Variants in SLC15A1 observed in about 807,000 individuals in gnomAD.
SLC15A1 encodes solute carrier family 15 member 1.
In SLC15A1, 83 loss-of-function variants were observed where a neutral mutation model predicts 92.9. That is an observed-to-expected ratio of 0.89 (90% CI 0.75 to 1.07). SLC15A1 has a LOEUF of 1.07. SLC15A1 is among the 50% of genes least tolerant of loss of function. The pLI is 0.00. For synonymous variants in SLC15A1, 322 were observed against 318.2 expected (o/e 1.01, Z -0.13); for missense variants, 857 against 880.1 (o/e 0.97, Z 0.33).
chr13:98,684,928 C>CA lies in SLC15A1; in HGVS notation c.1936-14dup. ...TGTACTCGGCCCACTTTGAAGAAAT[C>CA]AGAGTTGGAGCAGGAAAAAGAACAA... is the stretch of plus-strand genomic sequence containing the variant. On this transcript the variant is annotated splice_polypyrimidine_tract_variant and intron_variant, in intron 22 of 22. Transcript: ENST00000376503. The CA allele has an allele frequency of 6.2e-7, 1 of 1,604,914 alleles. No individual in the cohort carries two copies.
intron 1 of SLC15A1, among the ~76,000 whole-genome samples, chr13:98,730,406 G>C (rs1388895254): frequency 6.6e-6 from 1 of 152,136 alleles, no homozygotes; most frequent in East Asian, 1.9e-4. Flanking sequence ...TAGAGTTCTG[G>C]ACAGAGATTC....
intron 4 of SLC15A1, among the ~76,000 whole-genome samples, chr13:98,725,710 C>T (rs900939004): frequency 6.6e-6 from 1 of 152,102 alleles, no homozygotes; most frequent in African/African-American, 2.4e-5. Flanking sequence ...AAATGCTCTC[C>T]TAAGGGTTTG....
In SLC15A1 at chr13:98,706,256, G is replaced by A. The variant is rs1274414459; in HGVS notation, c.1150-3C>T. The A allele has an allele frequency of 6.2e-7, 1 of 1,610,990 alleles. No homozygotes were observed. The highest frequency in any genetic ancestry group is 1.7e-5 in the Admixed American group (1 of 59,364). On this transcript the variant is annotated splice_region_variant and splice_polypyrimidine_tract_variant and intron_variant, in intron 15 of 22. Transcript: ENST00000376503. ...TTGGGGAAGACTGGAAGAGTTTTCTGAGCAAAATAAAAGAAAATTGGCAGT... is the reference window on the plus strand; with the variant it reads ...TTGGGGAAGACTGGAAGAGTTTTCTAAGCAAAATAAAAGAAAATTGGCAGT...
In SLC15A1 at chr13:98,692,748, T is replaced by C. The variant is rs142082230; in HGVS notation, c.1467-4171A>G. On this transcript the variant is annotated intron_variant, in intron 18 of 22. Transcript: ENST00000376503. The stretch of plus-strand genomic sequence containing the variant: ...GAATAAGGGTACTAATTTTTATTTA[T>C]TTGTTTGTTTGTTTGAAGACGGAGT... Among the ~76,000 whole-genome samples, 1,313 of 152,240 alleles carry C rather than the reference T, an allele frequency of 8.6e-3. 28 individuals carry two copies. The highest frequency in any genetic ancestry group is 0.03 in the African/African-American group (1,257 of 41,538).
chr13:98,719,578 T>C (rs992815952), intron 7 of SLC15A1, among the ~76,000 whole-genome samples: 6 of 152,132 alleles, frequency 3.9e-5, no homozygotes, highest in African/African-American at 1.4e-4. Context: ...GGCCCCCTCT[T>C]GGTTCTGTGG....
At chr13:98,749,923 A>T (rs1303899727) in intron 1 of SLC15A1, among the ~76,000 whole-genome samples, 1 of 152,208 alleles carries the variant, frequency 6.6e-6, no homozygotes, top group East Asian at 1.9e-4. Flanking sequence ...TTGATTGTGT[A>T]CGGCTGCTCT....
intron 1 of SLC15A1, among the ~76,000 whole-genome samples, chr13:98,734,393 C>G (rs2088373897): frequency 6.6e-6 from 1 of 152,174 alleles, no homozygotes. Flanking sequence ...TCTGCATTTC[C>G]AACTGAGATG....
At position 98,708,681 on chromosome 13, in the gene SLC15A1, C is replaced by T. The variant is rs149028587; in HGVS notation, c.1149+5G>A. Reference sequence around the variant, plus strand: ...AGGACATGGGAGAACCAGGGGACAACTCACATCGATTTCCACCTGCACGAT... The same window carrying T: ...AGGACATGGGAGAACCAGGGGACAATTCACATCGATTTCCACCTGCACGAT... On this transcript the variant is annotated splice_donor_5th_base_variant and intron_variant, in intron 15 of 22. Transcript: ENST00000376503. 5 of 1,612,284 alleles carry T rather than the reference C, an allele frequency of 3.1e-6. No homozygotes were observed. Among genetic ancestry groups the T allele is most frequent in the Non-Finnish European group, 4.2e-6 (5 of 1,179,144 alleles).
intron 2 of SLC15A1, 183 bp from the exon 3 acceptor site, chr13:98,726,632 G>T (rs545238267): frequency 9.4e-6 from 7 of 748,078 alleles, no homozygotes; most frequent in African/African-American, 8.8e-5. Context: ...CATAGAGACA[G>T]CAATGAAATA....
chr13:98,694,276 TG>T, intron 18 of SLC15A1, among the ~76,000 whole-genome samples: 1 of 152,206 alleles, frequency 6.6e-6, no homozygotes, highest in Non-Finnish European at 1.5e-5. Context: ...TTTGCATAGC[TG>T]TTTTCAAATC....
intron 1 of SLC15A1, among the ~76,000 whole-genome samples, chr13:98,741,127 C>T (rs2088440321): frequency 6.6e-6 from 1 of 152,156 alleles, no homozygotes; most frequent in Admixed American, 6.5e-5. Flanking sequence ...CGGATGCAGC[C>T]CAGTGGGGCC....
At chr13:98,719,667 TGG>T (rs2088239414) in intron 7 of SLC15A1, among the ~76,000 whole-genome samples, 1 of 152,214 alleles carries the variant, frequency 6.6e-6, no homozygotes, top group Non-Finnish European at 1.5e-5. Flanking sequence ...AAAAGTACAC[TGG>T]AAAATCAATA....
At chr13:98,748,137 C>G (rs1480709655) in intron 1 of SLC15A1, among the ~76,000 whole-genome samples, 1 of 152,176 alleles carries the variant, frequency 6.6e-6, no homozygotes, top group African/African-American at 2.4e-5. Context: ...TTCCTGCCCC[C>G]TGAGGATATA....
intron 7 of SLC15A1, among the ~76,000 whole-genome samples, chr13:98,720,263 A>C (rs114231041): frequency 0.022 from 3,282 of 152,362 alleles, 141 homozygotes; most frequent in African/African-American, 0.075. Flanking sequence ...AAGTTACATA[A>C]AATTTTTGTC....
intron 21 of SLC15A1, 117 bp from the exon 22 acceptor site, chr13:98,686,414 C>T (rs2087930037): frequency 2.9e-6 from 2 of 689,700 alleles, no homozygotes; most frequent in Non-Finnish European, 5.2e-6. Flanking sequence ...CACGAAAAGT[C>T]AGGTGGCCTC....
chr13:98,748,686 T>A (rs1831863507), intron 1 of SLC15A1, among the ~76,000 whole-genome samples: 1 of 152,194 alleles, frequency 6.6e-6, no homozygotes, highest in Non-Finnish European at 1.5e-5. Context: ...TGTACCCACA[T>A]GGACAAGCCA....
At chr13:98,747,936 C>T (rs964516117) in intron 1 of SLC15A1, among the ~76,000 whole-genome samples, 8 of 152,184 alleles carry the variant, frequency 5.3e-5, no homozygotes, top group African/African-American at 1.4e-4. Flanking sequence ...AATAATCTTA[C>T]TCAGGACATT....
rs546617341 is a variant in SLC15A1 at position 98,735,331 on chromosome 13, G to T, written c.5-8472C>A. On this transcript the variant is annotated intron_variant, in intron 1 of 22. Coordinates refer to ENST00000376503, the MANE Select transcript of SLC15A1 (RefSeq NM_005073.4). ...TCAATAAACTAGGTATTGATGGGAC[G>T]TATCTCAAAATAATAAGAGCTATTT... Among the ~76,000 whole-genome samples, 4 of 152,246 alleles carry T rather than the reference G, an allele frequency of 2.6e-5. No homozygotes were observed. In the South Asian group the frequency reaches 8.3e-4, roughly 32 times the overall value.
At chr13:98,730,182 C>T (rs1291325433) in intron 1 of SLC15A1, among the ~76,000 whole-genome samples, 3 of 140,992 alleles carry the variant, frequency 2.1e-5, no homozygotes, top group Non-Finnish European at 3.0e-5. Flanking sequence ...GGCAACTGAG[C>T]GAGACTCCGT....
Sources: gnomAD v4.1 joint callset for allele counts (sites outside exome capture counted in the v4.1 genomes callset) on GRCh38, gnomAD v4.1.1 for gene constraint, MANE v1.5 for transcripts, NCBI Gene and HGNC (gene_info 2026-07-23, HGNC 2026-07-21) for gene names.